The following NTM variants were observed in gnomAD, a reference collection of about 807,000 sequenced individuals.
NTM encodes the protein neurotrimin.
In NTM, 13 loss-of-function variants were observed where a neutral mutation model predicts 42.1. That is an observed-to-expected ratio of 0.31 (90% CI 0.20 to 0.49). The LOEUF is 0.49. Among genes scored for constraint, NTM ranks in the 20% least tolerant of loss-of-function variants. The pLI is 0.99. For missense variants in NTM, 373 were observed against 452.8 expected (o/e 0.82, Z 1.60); for synonymous variants, 187 against 179.2 (o/e 1.04, Z -0.35).
At chr11:131,453,602 A>AGTCC (rs376447097) in intron 1 of NTM, among the ~76,000 whole-genome samples, 2 of 152,328 alleles carry the variant, frequency 1.3e-5, no homozygotes, top group African/African-American at 4.8e-5. Flanking sequence ...GGAATTAGCA[A>AGTCC]GTCCACAAGG....
At chr11:131,412,805 C>CGTGTGT (rs34653452) in intron 1 of NTM, among the ~76,000 whole-genome samples, 61 of 151,256 alleles carry the variant, frequency 4.0e-4, no homozygotes, top group Admixed American at 7.2e-4. Flanking sequence ...TCTTACGGGG[C>CGTGTGT]GTGTGTGTGT....
chr11:131,928,588 A>C (rs977846113), intron 2 of NTM, among the ~76,000 whole-genome samples: 3 of 146,396 alleles, frequency 2.0e-5, no homozygotes, highest in Non-Finnish European at 4.5e-5. Flanking sequence ...GTTTTGTCCC[A>C]CTGCAAACTC....
chr11:131,866,193 C>A (rs1274810052), intron 1 of NTM, among the ~76,000 whole-genome samples: 1 of 152,252 alleles, frequency 6.6e-6, no homozygotes, highest in Non-Finnish European at 1.5e-5. Context: ...GCTGTTCACA[C>A]CCTCATGCTG....
At chr11:131,980,429 T>C (rs112696601) in intron 2 of NTM, among the ~76,000 whole-genome samples, 5 of 152,212 alleles carry the variant, frequency 3.3e-5, no homozygotes, top group South Asian at 2.1e-4. Flanking sequence ...AATGGAAAAT[T>C]TAATTAAAGA....
chr11:131,381,781 C>T (rs983511035), intron 1 of NTM, among the ~76,000 whole-genome samples: 5 of 152,174 alleles, frequency 3.3e-5, no homozygotes, highest in African/African-American at 1.2e-4. Context: ...GCTCTCAGTT[C>T]TGGCTGCCTA....
Position 131,681,127 on chromosome 11 carries a change from TTC to T in NTM, c.83-230435_83-230434del, listed in dbSNP as rs1272019976. Among the ~76,000 whole-genome samples the T allele has an allele frequency of 5.2e-3, 265 of 50,758 alleles. 53 individuals carry two copies. The highest frequency in any genetic ancestry group is 0.014 in the African/African-American group (258 of 18,814). 33.3% of individuals were successfully genotyped at this position (50,758 alleles called of 152,430 possible). A position where few individuals can be genotyped will look rare whatever the true frequency, so the allele number is the denominator to read the frequency against. ...TCCCTGTGTGTGTGAGCGTGTGTGT[TTC>T]TGTGTATGTATGTTTCCCTGTGTGT... On this transcript the variant is annotated intron_variant, in intron 1 of 8. Transcript: ENST00000683400.
intron 6 of NTM, among the ~76,000 whole-genome samples, chr11:132,313,092 G>A (rs193201182): frequency 1.8e-4 from 28 of 152,268 alleles, no homozygotes; most frequent in Admixed American, 1.3e-4. Flanking sequence ...GTTACTGTAA[G>A]TTGCAGGAGT....
rs528759020 is a variant in NTM at position 131,849,686 on chromosome 11, G to T, written c.83-61878G>T. ...GAGGACATTGACCCTTCCTGGAAAA[G>T]TCTCCACTGACAAAAATTATTGTGC... is the stretch of plus-strand genomic sequence containing the variant. On this transcript the variant is annotated intron_variant, in intron 1 of 8. Coordinates refer to ENST00000683400, the MANE Select transcript of NTM (RefSeq NM_001352005.2). Among the ~76,000 whole-genome samples, 12 of 151,936 alleles carry T rather than the reference G, an allele frequency of 7.9e-5. No individual in the cohort carries two copies. In the South Asian group the frequency reaches 2.3e-3, roughly 29 times the overall value.
intron 4 of NTM, among the ~76,000 whole-genome samples, chr11:132,241,457 C>A (rs573411783): frequency 6.6e-5 from 10 of 152,240 alleles, no homozygotes; most frequent in East Asian, 1.9e-4. Flanking sequence ...CCTCATCCCC[C>A]CCAGCAATAC....
chr11:131,377,073 A>G (rs1408250905), intron 1 of NTM, among the ~76,000 whole-genome samples: 5 of 152,218 alleles, frequency 3.3e-5, no homozygotes, highest in Admixed American at 2.0e-4. Flanking sequence ...TTCATGGCAC[A>G]GCCTCTGGCC....
At chr11:131,613,154 G>C (rs1046558877) in intron 1 of NTM, among the ~76,000 whole-genome samples, 1 of 152,114 alleles carries the variant, frequency 6.6e-6, no homozygotes, top group Non-Finnish European at 1.5e-5. Flanking sequence ...ACTTCTTGCA[G>C]GAAAGCATGG....
chr11:131,529,812 C>T (rs390155), intron 1 of NTM, among the ~76,000 whole-genome samples: 69,396 of 152,022 alleles, frequency 0.46, 17,062 homozygotes, highest in African/African-American at 0.65. Flanking sequence ...GGCATAATCA[C>T]TACTGTTTTG....
At chr11:131,728,284 C>A (rs1026216280) in intron 1 of NTM, among the ~76,000 whole-genome samples, 5 of 152,242 alleles carry the variant, frequency 3.3e-5, no homozygotes, top group African/African-American at 9.6e-5. Flanking sequence ...GCCTATGCAT[C>A]TGACCAACCT....
At chr11:132,230,701 A>G in intron 4 of NTM, among the ~76,000 whole-genome samples, 1 of 152,270 alleles carries the variant, frequency 6.6e-6, no homozygotes. Context: ...GAGGTAACTC[A>G]TGTAAATGCA....
chr11:132,056,331 C>G (rs1034924410), intron 2 of NTM, among the ~76,000 whole-genome samples: 2 of 152,162 alleles, frequency 1.3e-5, no homozygotes, highest in Non-Finnish European at 2.9e-5. Flanking sequence ...CATCCCCTAT[C>G]CCCAAAATAG....
chr11:131,954,629 CT>C (rs34845794), intron 2 of NTM, among the ~76,000 whole-genome samples: 2 of 151,110 alleles, frequency 1.3e-5, no homozygotes, highest in African/African-American at 4.9e-5. Flanking sequence ...TTATAGAATA[CT>C]TTTTTTTTAA....
At chr11:131,734,626 T>A (rs370276515) in intron 1 of NTM, among the ~76,000 whole-genome samples, 6 of 152,298 alleles carry the variant, frequency 3.9e-5, no homozygotes, top group African/African-American at 1.4e-4. Context: ...TATCGCCCTA[T>A]GTCCTCTTCC....
At chr11:131,781,130 A>G (rs2088029277) in intron 1 of NTM, among the ~76,000 whole-genome samples, 1 of 152,158 alleles carries the variant, frequency 6.6e-6, no homozygotes, top group Non-Finnish European at 1.5e-5. Context: ...ATTTTAAAAG[A>G]GAGCTCTATT....
At chr11:131,756,697 C>CA (rs145851148) in intron 1 of NTM, among the ~76,000 whole-genome samples, 12,935 of 151,750 alleles carry the variant, frequency 0.085, 634 homozygotes, top group East Asian at 0.16. Flanking sequence ...GTCTCACACA[C>CA]AAAAAATTGC....
Sources: gnomAD v4.1 joint callset for allele counts (sites outside exome capture counted in the v4.1 genomes callset) on GRCh38, gnomAD v4.1.1 for gene constraint, MANE v1.5 for transcripts, NCBI Gene and HGNC (gene_info 2026-07-23, HGNC 2026-07-21) for gene names.